NCAM2: variants seen among roughly 807,000 people sequenced by gnomAD.
NCAM2 encodes N-CAM-2.
NCAM2 carries 30 observed loss-of-function variants against 98.1 expected under a neutral mutation model. The ratio of observed to expected loss-of-function variants is 0.31; its 90% CI spans 0.23 to 0.41. The LOEUF is 0.41. Ranked by LOEUF, NCAM2 falls within the 10% of genes least tolerant of loss-of-function variation. The pLI is 1.00. For missense variants in NCAM2, 867 were observed against 1,005.8 expected (o/e 0.86, Z 1.87); for synonymous variants, 368 against 342.4 (o/e 1.07, Z -0.83).
chr21:21,311,737 G>C (rs1304708508), intron 5 of NCAM2, among the ~76,000 whole-genome samples: 2 of 152,006 alleles, frequency 1.3e-5, no homozygotes, highest in Non-Finnish European at 2.9e-5. Flanking sequence ...AATTTTGCTT[G>C]ATTGGTACCT....
chr21:21,329,040 T>C (rs1451660151), intron 6 of NCAM2, among the ~76,000 whole-genome samples: 3 of 151,498 alleles, frequency 2.0e-5, no homozygotes, highest in African/African-American at 7.3e-5. Flanking sequence ...CTGCAACTTC[T>C]GCCTCCTGGG....
In NCAM2 at chr21:21,170,672, T is replaced by C. The variant is rs1323197540; in HGVS notation, c.56-109906T>C. Reference sequence around the variant, plus strand: ...GCAGTGGAATTACTCTGTTTGATACTTAAGTGGTGGAAACACATGTCATTA... The same window carrying C: ...GCAGTGGAATTACTCTGTTTGATACCTAAGTGGTGGAAACACATGTCATTA... On this transcript the variant is annotated intron_variant, in intron 1 of 17. Transcript: ENST00000400546. Among the ~76,000 whole-genome samples the C allele has an allele frequency of 2.0e-5, 3 of 152,186 alleles. No homozygotes were observed. In the South Asian group the frequency reaches 6.2e-4, roughly 32 times the overall value.
chr21:21,508,847 T>TTTTTAAAA lies in NCAM2; in HGVS notation c.2078-4_2078-3insTTTTAAAA. ...TTTTTTTTTTTTTTTTTTTACTTTT[T>TTTTTAAAA]AAGACACGCTGTTTAATGGTCTTGG... On this transcript the variant is annotated splice_polypyrimidine_tract_variant and splice_region_variant and intron_variant, in intron 15 of 17. Transcript: ENST00000400546. 3.0e-6 allele frequency: 3 copies of TTTTTAAAA among 987,250 alleles called. No homozygotes were observed. Among genetic ancestry groups the TTTTTAAAA allele is most frequent in the Non-Finnish European group, 2.9e-6 (2 of 683,430 alleles). 61.2% of individuals were successfully genotyped at this position (987,250 alleles called of 1,614,324 possible).
intron 1 of NCAM2, among the ~76,000 whole-genome samples, chr21:21,031,428 A>G (rs1390412277): frequency 1.3e-5 from 2 of 152,218 alleles, no homozygotes; most frequent in Admixed American, 6.5e-5. Context: ...ACATCAGTCT[A>G]AAGTGGTTAC....
Position 21,384,884 on chromosome 21 carries a change from C to A in NCAM2, c.1195+10871C>A, listed in dbSNP as rs1470945676. 2.0e-5 allele frequency among the ~76,000 whole-genome samples: 3 copies of A among 151,886 alleles called. No individual in the cohort carries two copies. The East Asian group carries it at 5.8e-4, about 29-fold the overall frequency. On this transcript the variant is annotated intron_variant, in intron 9 of 17. Transcript: ENST00000400546. ...AGAAAAAATATCACGAGATATATGT[C>A]TACATTTAGTGGGGTATTGGGTTAG...
intron 1 of NCAM2, among the ~76,000 whole-genome samples, chr21:21,153,579 A>G (rs2067513967): frequency 6.6e-6 from 1 of 152,006 alleles, no homozygotes; most frequent in Non-Finnish European, 1.5e-5. Context: ...AGCAAACATC[A>G]TGACTTTTGT....
intron 1 of NCAM2, among the ~76,000 whole-genome samples, chr21:21,153,316 C>T (rs1212128371): frequency 6.6e-6 from 1 of 150,904 alleles, no homozygotes; most frequent in Non-Finnish European, 1.5e-5. Flanking sequence ...TCATGAAGCT[C>T]CCTGGAATCT....
chr21:21,058,592 T>A (rs979862213), intron 1 of NCAM2, among the ~76,000 whole-genome samples: 5 of 152,042 alleles, frequency 3.3e-5, no homozygotes, highest in Admixed American at 1.3e-4. Context: ...CTATGTGAAG[T>A]GTTTTGAATG....
chr21:21,249,612 A>G (rs1036537126), intron 1 of NCAM2, among the ~76,000 whole-genome samples: 3 of 152,200 alleles, frequency 2.0e-5, no homozygotes, highest in African/African-American at 7.2e-5. Context: ...GACCTGCCTT[A>G]CAATAAATGG....
At chr21:21,350,248 A>G (rs2075299268) in intron 8 of NCAM2, among the ~76,000 whole-genome samples, 1 of 152,152 alleles carries the variant, frequency 6.6e-6, no homozygotes, top group South Asian at 2.1e-4. Flanking sequence ...AAAATCTAGA[A>G]ACTTAACACT....
chr21:21,171,270 A>G (rs2068115122), intron 1 of NCAM2, among the ~76,000 whole-genome samples: 1 of 152,250 alleles, frequency 6.6e-6, no homozygotes. Context: ...AATGTTCAGT[A>G]AAAGATGAAG....
chr21:21,093,516 T>A (rs2066056786), intron 1 of NCAM2, among the ~76,000 whole-genome samples: 1 of 152,116 alleles, frequency 6.6e-6, no homozygotes, highest in South Asian at 2.1e-4. Context: ...AGATTTGACC[T>A]GTTAAAGAAA....
intron 14 of NCAM2, among the ~76,000 whole-genome samples, chr21:21,471,036 G>T (rs1435212355): frequency 1.3e-5 from 2 of 151,908 alleles, no homozygotes; most frequent in Non-Finnish European, 2.9e-5. Context: ...GAATTTGAGT[G>T]ACTTGGTGGG....
At chr21:21,288,054 A>G (rs575280976) in intron 4 of NCAM2, among the ~76,000 whole-genome samples, 5 of 151,744 alleles carry the variant, frequency 3.3e-5, no homozygotes, top group African/African-American at 1.2e-4. Flanking sequence ...TAAAAAGCAT[A>G]GTATTTGGTA....
At chr21:21,417,837 G>T (rs1027882458) in intron 10 of NCAM2, among the ~76,000 whole-genome samples, 7 of 152,028 alleles carry the variant, frequency 4.6e-5, no homozygotes, top group Non-Finnish European at 7.4e-5. Context: ...CTGTCTATGA[G>T]TATTGTTGCA....
chr21:21,453,057 A>G (rs1981554680), intron 12 of NCAM2, among the ~76,000 whole-genome samples: 1 of 125,986 alleles, frequency 7.9e-6, no homozygotes, highest in South Asian at 2.2e-4. Context: ...ATATAAAAAT[A>G]TAAATATATT....
chr21:21,120,805 G>A (rs2066657772), intron 1 of NCAM2, among the ~76,000 whole-genome samples: 1 of 148,188 alleles, frequency 6.7e-6, no homozygotes, highest in South Asian at 2.1e-4. Flanking sequence ...TGCAACCTCT[G>A]CCTCCCGGGT....
intron 1 of NCAM2, among the ~76,000 whole-genome samples, chr21:21,004,447 G>C (rs577333917): frequency 6.6e-6 from 1 of 152,094 alleles, no homozygotes; most frequent in Non-Finnish European, 1.5e-5. Flanking sequence ...CTGGAACTGG[G>C]AGTAGATTTT....
intron 9 of NCAM2, among the ~76,000 whole-genome samples, chr21:21,387,189 C>A (rs1051391638): frequency 6.0e-5 from 3 of 50,394 alleles, no homozygotes; most frequent in Admixed American, 1.6e-4. Context: ...CACACACATA[C>A]ACACACACAC....
Sources: gnomAD v4.1 joint callset for allele counts (sites outside exome capture counted in the v4.1 genomes callset) on GRCh38, gnomAD v4.1.1 for gene constraint, MANE v1.5 for transcripts, NCBI Gene and HGNC (gene_info 2026-07-23, HGNC 2026-07-21) for gene names.